Variants in CENPC observed in about 807,000 individuals in gnomAD.
CENPC encodes CENP-C 1.
Under a neutral mutation model 112.1 loss-of-function variants are expected in CENPC, and 63 were observed. That is an observed-to-expected ratio of 0.56 (90% CI 0.46 to 0.69). The LOEUF (loss-of-function observed/expected upper bound fraction) is 0.69, where lower values mean the gene tolerates loss of function less well. CENPC is among the 30% of genes least tolerant of loss of function. The probability of loss-of-function intolerance (pLI) is 0.00; values close to 1 mark genes in which losing one functional copy is unlikely to be tolerated. For synonymous variants in CENPC, 333 were observed against 367.6 expected (o/e 0.91, Z 1.08); for missense variants, 1,000 against 1,103.8 (o/e 0.91, Z 1.33).
At chr4:67,494,599 G>A (rs1725380664) in intron 13 of CENPC, among the ~76,000 whole-genome samples, 1 of 152,184 alleles carries the variant, frequency 6.6e-6, no homozygotes, top group African/African-American at 2.4e-5. Context: ...CTGAGTATGA[G>A]TGAAAGAGCA....
chr4:67,526,169 G>A (rs1726370961), intron 5 of CENPC, among the ~76,000 whole-genome samples: 1 of 152,036 alleles, frequency 6.6e-6, no homozygotes, highest in African/African-American at 2.4e-5. Context: ...CCTGTGGTGG[G>A]GGGAGGGAGG....
chr4:67,509,253 CACAT>C, intron 9 of CENPC, 148 bp from the exon 10 acceptor site: 2 of 415,270 alleles, frequency 4.8e-6, no homozygotes, highest in East Asian at 4.5e-5. Context: ...CACACACACA[CACAT>C]CTCAGGCTAA....
intron 1 of CENPC, 31 bp downstream of exon 1, chr4:67,545,307 C>CA: frequency 1.4e-6 from 2 of 1,463,878 alleles, no homozygotes; most frequent in Non-Finnish European, 1.8e-6. Context: ...GCCGCTCAAC[C>CA]ACTCGCCTGG....
At chr4:67,495,342 C>G (rs137892988) in intron 12 of CENPC, 130 bp from the exon 13 acceptor site, 1 of 847,430 alleles carries the variant, frequency 1.2e-6, no homozygotes, top group Non-Finnish European at 1.7e-6. Context: ...TTTTATTACT[C>G]CTTTTGCTTT....
At chr4:67,535,109 G>T (rs1726677986) in intron 4 of CENPC, among the ~76,000 whole-genome samples, 1 of 151,920 alleles carries the variant, frequency 6.6e-6, no homozygotes, top group African/African-American at 2.4e-5. Context: ...AAGTCTAAGG[G>T]AAAATACACC....
chr4:67,484,474 AGTGTTACT>A (rs1725034874), intron 17 of CENPC, among the ~76,000 whole-genome samples: 1 of 152,176 alleles, frequency 6.6e-6, no homozygotes, highest in African/African-American at 2.4e-5. Flanking sequence ...CACGCCAGTG[AGTGTTACT>A]GCCTGAGCTC....
chr4:67,513,147 T>C (rs979282382), intron 8 of CENPC, among the ~76,000 whole-genome samples: 4 of 152,034 alleles, frequency 2.6e-5, no homozygotes, highest in Admixed American at 1.3e-4. Flanking sequence ...TCAAGGAATA[T>C]AGGTAGTTTC....
intron 5 of CENPC, among the ~76,000 whole-genome samples, chr4:67,528,119 GAATT>G (rs998997202): frequency 6.6e-6 from 1 of 151,958 alleles, no homozygotes; most frequent in African/African-American, 2.4e-5. Flanking sequence ...TAAAGGTCTA[GAATT>G]AATTTTTTTA....
chr4:67,521,532 TAAC>T (rs1464087200), intron 5 of CENPC, among the ~76,000 whole-genome samples: 1 of 152,150 alleles, frequency 6.6e-6, no homozygotes, highest in East Asian at 1.9e-4. Flanking sequence ...AAACAAAAGA[TAAC>T]AACTGTTGAT....
chr4:67,510,557 TC>T (rs1386994053), intron 9 of CENPC: 2 of 153,944 alleles, frequency 1.3e-5, no homozygotes, highest in Admixed American at 6.5e-5. Flanking sequence ...AAGAAGGTAC[TC>T]ATTTTCAGGT....
chr4:67,509,128 AAAGT>A (rs764582739), intron 9 of CENPC, 23 bp from the exon 10 acceptor site: 2 of 1,570,034 alleles, frequency 1.3e-6, no homozygotes, highest in Admixed American at 1.8e-5. Flanking sequence ...ATGATAACCT[AAAGT>A]TAGTAAGTTT....
At chr4:67,487,084 C>T (rs1725116899) in intron 17 of CENPC, among the ~76,000 whole-genome samples, 1 of 145,794 alleles carries the variant, frequency 6.9e-6, no homozygotes, top group Admixed American at 7.2e-5. Flanking sequence ...TTTTAGTTAT[C>T]TGTCAGCCAC....
intron 10 of CENPC, 119 bp from the exon 11 acceptor site, chr4:67,507,053 AC>A (rs1725757137): frequency 1.5e-6 from 1 of 656,076 alleles, no homozygotes; most frequent in African/African-American, 1.9e-5. Context: ...ATATCAGATC[AC>A]CCTGTTCAGG....
At chr4:67,509,135 G>GTA in intron 9 of CENPC, 30 bp from the exon 10 acceptor site, 1 of 1,545,316 alleles carries the variant, frequency 6.5e-7, no homozygotes. Context: ...CCTAAAGTTA[G>GTA]TAAGTTTGTC....
intron 12 of CENPC, among the ~76,000 whole-genome samples, chr4:67,503,193 A>G (rs1181716052): frequency 6.6e-6 from 1 of 150,480 alleles, no homozygotes; most frequent in Non-Finnish European, 1.5e-5. Context: ...TTTTCCTACT[A>G]CTCGTTCGCT....
At position 67,472,417 on chromosome 4, in the gene CENPC, T is replaced by C. The variant is rs1017785796; in HGVS notation, c.*188A>G. The C allele has an allele frequency of 2.4e-5, 16 of 658,498 alleles. No homozygotes were observed. The African/African-American group carries it at 3.2e-4, about 13-fold the overall frequency. The allele number at this position is 658,498 out of a possible 1,614,324, so 40.8% of individuals were successfully genotyped here. A position where few individuals can be genotyped will look rare whatever the true frequency, so the allele number is the denominator to read the frequency against. On this transcript the variant is annotated 3_prime_UTR_variant, in exon 19 of 19. Coordinates refer to ENST00000273853, the MANE Select transcript of CENPC (RefSeq NM_001812.4). ...ATGGACATCGCTACAAGCTATTATG[T>C]ACAGTCACTGAAAAATCAGAAAAAA...
At chr4:67,502,327 G>A (rs1725613453) in intron 12 of CENPC, among the ~76,000 whole-genome samples, 1 of 152,106 alleles carries the variant, frequency 6.6e-6, no homozygotes, top group South Asian at 2.1e-4. Flanking sequence ...GACACAGCGA[G>A]TCAAAAACAA....
At chr4:67,527,527 G>T (rs1047181134) in intron 5 of CENPC, among the ~76,000 whole-genome samples, 1 of 119,632 alleles carries the variant, frequency 8.4e-6, no homozygotes, top group Non-Finnish European at 1.7e-5. Context: ...TTTGAGACAG[G>T]GTCTGACTCT....
intron 17 of CENPC, among the ~76,000 whole-genome samples, chr4:67,489,229 C>T: frequency 6.6e-6 from 1 of 150,818 alleles, no homozygotes; most frequent in East Asian, 1.9e-4. Flanking sequence ...CACATACACA[C>T]ATATAAAACA....
Sources: gnomAD v4.1 joint callset for allele counts (sites outside exome capture counted in the v4.1 genomes callset) on GRCh38, gnomAD v4.1.1 for gene constraint, MANE v1.5 for transcripts, NCBI Gene and HGNC (gene_info 2026-07-23, HGNC 2026-07-21) for gene names.